SPATC1: variants seen among roughly 807,000 people sequenced by gnomAD.
SPATC1 encodes speriolin.
In SPATC1, 35 loss-of-function variants were observed where a neutral mutation model predicts 36.5. That is an observed-to-expected ratio of 0.96 (90% confidence interval 0.73 to 1.27). The LOEUF is 1.27. SPATC1 is among the 50% of genes most tolerant of loss of function. The pLI, the probability that SPATC1 is intolerant of heterozygous loss-of-function variation, is 0.00. For missense variants in SPATC1, 779 were observed against 796.0 expected (o/e 0.98, Z 0.26); for synonymous variants, 361 against 353.6 (o/e 1.02, Z -0.24).
chr8:144,039,808 C>T (rs1554755336), intron 1 of SPATC1, 101 bp from the exon 2 acceptor site: 3 of 1,265,244 alleles, frequency 2.4e-6, no homozygotes, highest in African/African-American at 1.5e-5. Context: ...GACAGATGGG[C>T]ACTATGGCCA....
At chr8:144,033,134 G>A (rs1196084291) in intron 1 of SPATC1, among the ~76,000 whole-genome samples, 2 of 151,348 alleles carry the variant, frequency 1.3e-5, no homozygotes, top group East Asian at 1.9e-4. Flanking sequence ...AGTGGCTCAC[G>A]CCTGTTATCC....
At chr8:144,030,774 T>C (rs1315512046) in intron 1 of SPATC1, among the ~76,000 whole-genome samples, 2 of 152,196 alleles carry the variant, frequency 1.3e-5, no homozygotes, top group African/African-American at 4.8e-5. Context: ...TCCTACTTTT[T>C]TTTTCCTGTA....
chr8:144,021,329 T>A (rs1488412015), intron 1 of SPATC1, among the ~76,000 whole-genome samples: 104 of 3,174 alleles, frequency 0.033, 5 homozygotes, highest in Non-Finnish European at 0.047. Context: ...TCTGCCCTCA[T>A]GACCCAGTTT....
chr8:144,011,966 G>A (rs560301018), upstream of SPATC1, among the ~76,000 whole-genome samples: 237 of 152,244 alleles, frequency 1.6e-3, 1 homozygote, highest in Non-Finnish European at 2.5e-3. The surrounding 1 kb of genome is among the most constrained non-coding windows in gnomAD (Gnocchi z 4.5). Flanking sequence ...ACCAAGAAGG[G>A]GCATCCTGGC....
chr8:144,012,526 T>C lies in SPATC1; in HGVS notation c.11T>C (p.Leu4Pro), dbSNP rs1554752594. MSLLTNYEGLRHQI... is the reference protein window; with the variant it reads MSLPTNYEGLRHQI... ...CCACTGCCCCAGGGCATGTCTCTACTCACCAATTATGAAGGGCTTCGGCAT... is the reference window on the plus strand; with the variant it reads ...CCACTGCCCCAGGGCATGTCTCTACCCACCAATTATGAAGGGCTTCGGCAT... The change falls in exon 1 of 5, where the codon CTC (leucine) becomes CCC (proline). Residue 4 changes from leucine to proline, a missense_variant. Physicochemically the swap from Leu to Pro is moderately conservative, Grantham distance 98. Coordinates refer to ENST00000377470, the MANE Select transcript of SPATC1 (RefSeq NM_198572.3). 3.9e-6 allele frequency: 6 copies of C among 1,551,720 alleles called. No individual in the cohort carries two copies. In the South Asian group the frequency reaches 7.1e-5, roughly 18 times the overall value.
chr8:144,039,860 G>A, intron 1 of SPATC1, 49 bp from the exon 2 acceptor site: 9 of 1,572,112 alleles, frequency 5.7e-6, no homozygotes, highest in Non-Finnish European at 6.9e-6. Context: ...CCCTCGCCGT[G>A]GTCTGGAGGG....
intron 1 of SPATC1, among the ~76,000 whole-genome samples, chr8:144,029,607 T>G (rs979075612): frequency 8.5e-5 from 13 of 152,194 alleles, no homozygotes; most frequent in African/African-American, 3.1e-4. Flanking sequence ...TGTTGTTTCA[T>G]TTCCACAGTT....
chr8:144,034,778 C>T (rs1309473609), intron 1 of SPATC1, among the ~76,000 whole-genome samples: 3 of 152,066 alleles, frequency 2.0e-5, no homozygotes, highest in East Asian at 3.9e-4. Flanking sequence ...CACACCAACA[C>T]ACCTGACTAA....
At chr8:144,031,400 C>T (rs1834790007) in intron 1 of SPATC1, among the ~76,000 whole-genome samples, 1 of 150,012 alleles carries the variant, frequency 6.7e-6, no homozygotes, top group Non-Finnish European at 1.5e-5. Context: ...TAGAGGATCC[C>T]TTGTACATGA....
chr8:144,024,345 C>A (rs1331181013), intron 1 of SPATC1, among the ~76,000 whole-genome samples: 5 of 150,390 alleles, frequency 3.3e-5, no homozygotes, highest in African/African-American at 1.2e-4. Context: ...TCAGACCCCT[C>A]TTCTTTCAGG....
intron 1 of SPATC1, among the ~76,000 whole-genome samples, chr8:144,025,755 A>G (rs990229732): frequency 1.3e-5 from 2 of 152,266 alleles, no homozygotes; most frequent in Admixed American, 1.3e-4. Context: ...GATGGGTCGT[A>G]GACTGAGGCC....
chr8:144,024,638 T>C (rs1834636818), intron 1 of SPATC1, among the ~76,000 whole-genome samples: 1 of 144,554 alleles, frequency 6.9e-6, no homozygotes, highest in African/African-American at 2.6e-5. Context: ...CCTCAGGACC[T>C]TCCCCTTCAT....
chr8:144,012,442 A>C lies in SPATC1; in HGVS notation c.-74A>C. The C allele has an allele frequency of 8.4e-6, 11 of 1,313,876 alleles. No individual in the cohort carries two copies. Among genetic ancestry groups the C allele is most frequent in the Non-Finnish European group, 1.2e-5 (11 of 934,612 alleles). The allele number at this position is 1,313,876 out of a possible 1,614,324, so 81.4% of individuals were successfully genotyped here. On this transcript the variant is annotated 5_prime_UTR_variant, in exon 1 of 5. Coordinates refer to ENST00000377470, the MANE Select transcript of SPATC1 (RefSeq NM_198572.3). ...CTCTGCACCCTCCTTCAGCCCAGGC[A>C]AGGCCTGGGGCCCTGGGCAGCCTCC...
At chr8:144,024,199 C>T (rs888706462) in intron 1 of SPATC1, among the ~76,000 whole-genome samples, 58 of 150,750 alleles carry the variant, frequency 3.8e-4, no homozygotes, top group Non-Finnish European at 8.0e-4. Context: ...TCAGGACTCT[C>T]TTCCCTCAGG....
intron 4 of SPATC1, chr8:144,042,104 C>A: frequency 1.4e-6 from 1 of 701,444 alleles, no homozygotes; most frequent in Non-Finnish European, 1.8e-6. Flanking sequence ...GTGTATGTAC[C>A]CAGCTCACTG....
chr8:144,035,479 C>T (rs1834880215), intron 1 of SPATC1, among the ~76,000 whole-genome samples: 1 of 152,246 alleles, frequency 6.6e-6, no homozygotes, highest in African/African-American at 2.4e-5. Flanking sequence ...GCTACCACTC[C>T]AGCGCCTCCT....
intron 1 of SPATC1, among the ~76,000 whole-genome samples, chr8:144,026,451 C>G (rs1834679905): frequency 6.6e-6 from 1 of 152,106 alleles, no homozygotes; most frequent in South Asian, 2.1e-4. Context: ...GTTTCCATCT[C>G]TCTTGGATAT....
chr8:144,015,225 AT>A (rs1181656963), intron 1 of SPATC1, among the ~76,000 whole-genome samples: 1 of 146,258 alleles, frequency 6.8e-6, no homozygotes, highest in Non-Finnish European at 1.5e-5. Context: ...TTTTTGGTGT[AT>A]TTTTAGTAGA....
chr8:144,036,172 A>C (rs984775360), intron 1 of SPATC1, among the ~76,000 whole-genome samples: 25 of 152,172 alleles, frequency 1.6e-4, no homozygotes, highest in Admixed American at 1.0e-3. Flanking sequence ...CATTTTAGGA[A>C]GCTGAGGCAG....
Sources: allele counts gnomAD v4.1 joint callset (sites outside exome capture counted in the v4.1 genomes callset), GRCh38; gene constraint gnomAD v4.1.1; non-coding constraint Gnocchi (gnomAD v3.1); transcripts MANE v1.5; gene names NCBI Gene and HGNC (gene_info 2026-07-23, HGNC 2026-07-21).